Variants in PHF14 observed in about 807,000 individuals in gnomAD.
PHF14 encodes the protein PHD finger protein 14.
A neutral mutation model predicts 117.9 loss-of-function variants in PHF14; 55 were observed. That is an observed-to-expected ratio of 0.47 (90% CI 0.38 to 0.58). The LOEUF (loss-of-function observed/expected upper bound fraction) is 0.58, where lower values mean the gene tolerates loss of function less well. Ranked by LOEUF, PHF14 falls within the 20% of genes least tolerant of loss-of-function variation. The pLI is 0.00. For synonymous variants in PHF14, 409 were observed against 368.6 expected, an observed-to-expected ratio of 1.11 and a Z score of -1.26; for missense variants, 978 against 1,122.2, an observed-to-expected ratio of 0.87 and a Z score of 1.84.
rs931082219 is a variant in PHF14 at position 11,130,309 on chromosome 7, A to G, written c.2772+18842A>G. ...TGTAATGCTACCACCATATGCTACC[A>G]TACTTCCAAGACCTTTCTGGGATTC... On this transcript the variant is annotated intron_variant, in intron 17 of 17. Coordinates refer to ENST00000634607, the MANE Select transcript of PHF14 (RefSeq NM_001007157.2). The surrounding 1 kb of genome is among the most constrained non-coding windows in gnomAD (Gnocchi z 4.2). Among the ~76,000 whole-genome samples, 3 of 152,068 alleles carry G rather than the reference A, an allele frequency of 2.0e-5. No homozygotes were observed. Among genetic ancestry groups the G allele is most frequent in the African/African-American group, 7.2e-5 (3 of 41,438 alleles).
intron 4 of PHF14, chr7:11,006,491 G>A (rs548616803): frequency 6.4e-5 from 35 of 550,358 alleles, no homozygotes; most frequent in Admixed American, 1.5e-4. Context: ...GGCCGAATTA[G>A]GGTGTTGACA....
At chr7:11,049,034 C>T (rs1583411228) in intron 13 of PHF14, among the ~76,000 whole-genome samples, 1 of 151,834 alleles carries the variant, frequency 6.6e-6, no homozygotes, top group East Asian at 1.9e-4. Context: ...TAATTGCTAC[C>T]AAAAGAGAAG....
At chr7:11,120,362 C>G (rs1208579657) in intron 17 of PHF14, among the ~76,000 whole-genome samples, 1 of 151,928 alleles carries the variant, frequency 6.6e-6, no homozygotes, top group Non-Finnish European at 1.5e-5. Context: ...GAGAAAAGTT[C>G]AAAATTAGTG....
chr7:11,089,250 G>A (rs2995884), intron 16 of PHF14, among the ~76,000 whole-genome samples: 1 of 152,004 alleles, frequency 6.6e-6, no homozygotes, highest in African/African-American at 2.4e-5. Flanking sequence ...GTTATCAGCT[G>A]TTTGCGTATG....
At chr7:11,060,281 A>C (rs953183510) in intron 14 of PHF14, among the ~76,000 whole-genome samples, 8 of 152,178 alleles carry the variant, frequency 5.3e-5, no homozygotes, top group African/African-American at 1.9e-4. Flanking sequence ...TTGAGTCTTT[A>C]TGTCATAAGC....
chr7:11,124,825 G>A (rs1787871777), intron 17 of PHF14, among the ~76,000 whole-genome samples: 1 of 152,076 alleles, frequency 6.6e-6, no homozygotes, highest in Non-Finnish European at 1.5e-5. Context: ...TTTTCATCAT[G>A]TAAAACTCAG....
intron 16 of PHF14, among the ~76,000 whole-genome samples, chr7:11,067,052 G>A (rs900232820): frequency 5.3e-5 from 8 of 152,204 alleles, no homozygotes; most frequent in African/African-American, 1.9e-4. Context: ...GGATAGGGGG[G>A]AATATTTGCA....
chr7:11,072,163 C>T (rs548099433), intron 16 of PHF14, among the ~76,000 whole-genome samples: 1 of 152,212 alleles, frequency 6.6e-6, no homozygotes, highest in South Asian at 2.1e-4. Context: ...CTGGGGAGGC[C>T]TCAGGAAACT....
intron 4 of PHF14, among the ~76,000 whole-genome samples, chr7:11,003,141 A>C (rs1309677799): frequency 6.6e-6 from 1 of 152,000 alleles, no homozygotes; most frequent in African/African-American, 2.4e-5. Flanking sequence ...GGGTTTCACC[A>C]TGTTGGCCAG....
intron 16 of PHF14, among the ~76,000 whole-genome samples, chr7:11,071,098 A>C (rs1471284259): frequency 6.6e-6 from 1 of 152,194 alleles, no homozygotes; most frequent in Non-Finnish European, 1.5e-5. Context: ...GAGAGTTAGG[A>C]GATCTCAACT....
In PHF14 at chr7:11,042,798, A is replaced by T. The variant is rs368462578; in HGVS notation, c.2296A>T (p.Thr766Ser). 3.2e-6 allele frequency: 5 copies of T among 1,578,698 alleles called. No homozygotes were observed. In the African/African-American group the frequency reaches 6.7e-5, roughly 21 times the overall value. The change falls in exon 13 of 18, where the codon ACC (threonine) becomes TCC (serine). Residue 766 changes from threonine (T) to serine (S), a missense_variant. Around this residue, in one of 7 missense-constraint regions of PHF14, gnomAD observed 17 missense variants for 52.9 expected, o/e 0.32. Transcript: ENST00000634607. ...DPPLTRMPRKTKNSYWQCSEC... is the reference protein window; with the variant it reads ...DPPLTRMPRKSKNSYWQCSEC... The stretch of plus-strand genomic sequence containing the variant: ...TCCTCTTACAAGGATGCCAAGAAAG[A>T]CCAAAAACAGTTATTGGTGAGTAAA...
At chr7:11,132,745 C>G (rs896582795) in intron 17 of PHF14, among the ~76,000 whole-genome samples, 9 of 151,764 alleles carry the variant, frequency 5.9e-5, no homozygotes, top group Non-Finnish European at 1.2e-4. Flanking sequence ...CCCCTTTTCT[C>G]CACCCCCTCA....
intron 16 of PHF14, chr7:11,110,587 T>C (rs976862659): frequency 2.2e-5 from 20 of 889,122 alleles, no homozygotes; most frequent in African/African-American, 5.4e-5. Context: ...ACATCATAGG[T>C]GGCAAAGACA....
intron 5 of PHF14, among the ~76,000 whole-genome samples, chr7:11,020,923 A>G (rs1583376243): frequency 6.6e-6 from 1 of 152,146 alleles, no homozygotes; most frequent in Admixed American, 6.5e-5. Context: ...TAACTTCCAA[A>G]CTACCTTTAT....
Position 11,167,407 on chromosome 7 carries a change from T to C in PHF14, c.2773-2009T>C, listed in dbSNP as rs370766341. Among the ~76,000 whole-genome samples, 43 of 152,364 alleles carry C rather than the reference T, an allele frequency of 2.8e-4. 1 individual carries two copies. In the South Asian group the frequency reaches 8.9e-3, roughly 32 times the overall value. Reference sequence around the variant, plus strand: ...GAGTACTAGCAATCTTAATTTACGATAGTTAAGAACAATATTGTGCTTTTC... The same window carrying C: ...GAGTACTAGCAATCTTAATTTACGACAGTTAAGAACAATATTGTGCTTTTC... On this transcript the variant is annotated intron_variant, in intron 17 of 17. Coordinates refer to ENST00000634607, the MANE Select transcript of PHF14 (RefSeq NM_001007157.2).
At chr7:11,136,541 A>T (rs139429435) in intron 17 of PHF14, among the ~76,000 whole-genome samples, 66 of 152,290 alleles carry the variant, frequency 4.3e-4, no homozygotes, top group Non-Finnish European at 6.5e-4. Context: ...AGTCTTTTGC[A>T]TAGTTATTAC....
At chr7:11,089,983 C>G (rs546083516) in intron 16 of PHF14, among the ~76,000 whole-genome samples, 100 of 152,258 alleles carry the variant, frequency 6.6e-4, no homozygotes, top group Middle Eastern at 3.4e-3. Context: ...GTTGGTCAGG[C>G]TGGTCTCGAA....
At chr7:11,016,676 T>G (rs1162530597) in intron 5 of PHF14, among the ~76,000 whole-genome samples, 1 of 152,158 alleles carries the variant, frequency 6.6e-6, no homozygotes, top group East Asian at 1.9e-4. Flanking sequence ...GCATGCAATG[T>G]GAAATAAGCA....
intron 17 of PHF14, among the ~76,000 whole-genome samples, chr7:11,159,248 C>G (rs1345276223): frequency 6.6e-6 from 1 of 151,584 alleles, no homozygotes; most frequent in Non-Finnish European, 1.5e-5. Flanking sequence ...TATATAAATT[C>G]TATTTGTTTT....
Sources: allele counts gnomAD v4.1 joint callset (sites outside exome capture counted in the v4.1 genomes callset), GRCh38; gene constraint gnomAD v4.1.1; regional missense constraint gnomAD v4.1.1; non-coding constraint Gnocchi (gnomAD v3.1); transcripts MANE v1.5; gene names NCBI Gene and HGNC (gene_info 2026-07-23, HGNC 2026-07-21).